The following AFDN variants were observed in gnomAD, a reference collection of about 807,000 sequenced individuals.
AFDN encodes afadin, adherens junction formation factor, also known as afadin.
Under a neutral mutation model 216.6 loss-of-function variants are expected in AFDN, and 68 were observed. The ratio of observed to expected loss-of-function variants is 0.31; its 90% confidence interval spans 0.26 to 0.38. The LOEUF is 0.38. AFDN is among the 10% of genes least tolerant of loss of function. The pLI is 1.00. For synonymous variants in AFDN, 868 were observed against 853.7 expected (o/e 1.02, Z -0.29); for missense variants, 2,136 against 2,342.0 (o/e 0.91, Z 1.82).
chr6:167,843,091 G>A (rs536075652), intron 1 of AFDN, among the ~76,000 whole-genome samples: 60 of 152,270 alleles, frequency 3.9e-4, no homozygotes, highest in African/African-American at 1.3e-3. Context: ...GTGCACTTGG[G>A]TAGCTGACAA....
chr6:167,913,670 T>C lies in AFDN; in HGVS notation c.2058+247T>C, dbSNP rs569322234. On this transcript the variant is annotated intron_variant, in intron 16 of 33. Coordinates refer to ENST00000683244, the MANE Select transcript of AFDN (RefSeq NM_001386888.1). Reference sequence around the variant, plus strand: ...AGTTCTGTTTCTTCTCTTTATTATTTATCCTTGGTTCCTATTCTTTGGATC... The same window carrying C: ...AGTTCTGTTTCTTCTCTTTATTATTCATCCTTGGTTCCTATTCTTTGGATC... 2.5e-5 allele frequency: 13 copies of C among 526,384 alleles called. No individual in the cohort carries two copies. The Admixed American group carries it at 3.6e-4, about 14-fold the overall frequency. 32.6% of individuals were successfully genotyped at this position (526,384 alleles called of 1,614,324 possible).
At chr6:167,965,014 A>G (rs993845080) in intron 31 of AFDN, 3 of 1,047,194 alleles carry the variant, frequency 2.9e-6, no homozygotes, top group African/African-American at 3.3e-5. Context: ...ATATATTTGA[A>G]TATCTTGTTG....
At chr6:167,931,826 G>C (rs1023342005) in intron 23 of AFDN, among the ~76,000 whole-genome samples, 2 of 152,138 alleles carry the variant, frequency 1.3e-5, no homozygotes, top group African/African-American at 4.8e-5. Context: ...TGAGCGTGTT[G>C]GTGTGGCAGC....
intron 13 of AFDN, 95 bp from the exon 14 acceptor site, chr6:167,911,006 G>T: frequency 1.0e-6 from 1 of 985,058 alleles, no homozygotes; most frequent in Non-Finnish European, 1.6e-6. Flanking sequence ...TTAGTATATA[G>T]ATTTAAAAAG....
At chr6:167,915,457 G>A (rs1364655458) in intron 19 of AFDN, 24 bp downstream of exon 19, 14 of 1,585,050 alleles carry the variant, frequency 8.8e-6, no homozygotes, top group Non-Finnish European at 1.2e-5. Context: ...CCACTCCCCA[G>A]CTCATGTGCT....
chr6:167,874,981 G>C (rs1163532192), intron 4 of AFDN, among the ~76,000 whole-genome samples: 1 of 152,114 alleles, frequency 6.6e-6, no homozygotes. Context: ...TTTCTTTCTT[G>C]TGGTTGGAAG....
chr6:167,910,623 G>A (rs891337539), intron 13 of AFDN, among the ~76,000 whole-genome samples: 1 of 152,198 alleles, frequency 6.6e-6, no homozygotes, highest in Admixed American at 6.5e-5. Context: ...AAGGAGACTT[G>A]CCGTGGTCAG....
chr6:167,956,961 C>T (rs1293080052), intron 30 of AFDN, among the ~76,000 whole-genome samples: 5 of 152,226 alleles, frequency 3.3e-5, no homozygotes, highest in African/African-American at 1.2e-4. Flanking sequence ...TCACAGCCCT[C>T]CTAAGTCTCT....
At chr6:167,952,579 A>T in intron 30 of AFDN, 2 of 895,156 alleles carry the variant, frequency 2.2e-6, no homozygotes, top group Non-Finnish European at 1.3e-6. Context: ...TTTGCAGGCC[A>T]CGGGGTCTCT....
intron 1 of AFDN, among the ~76,000 whole-genome samples, chr6:167,847,738 A>C (rs536618936): frequency 6.6e-6 from 1 of 152,264 alleles, no homozygotes; most frequent in African/African-American, 2.4e-5. Context: ...TGTTCCAGTA[A>C]CCTCTTACTT....
intron 1 of AFDN, among the ~76,000 whole-genome samples, chr6:167,829,295 A>G (rs1329248496): frequency 6.6e-6 from 1 of 152,124 alleles, no homozygotes; most frequent in East Asian, 1.9e-4. Context: ...ACTTTCCTGT[A>G]CTATTAAATT....
At chr6:167,934,219 G>C (rs1204003114) in intron 23 of AFDN, among the ~76,000 whole-genome samples, 2 of 152,156 alleles carry the variant, frequency 1.3e-5, no homozygotes, top group Admixed American at 6.5e-5. Flanking sequence ...GATGTGGTCT[G>C]TTGGGTTTGT....
At chr6:167,832,084 T>C (rs772113303) in intron 1 of AFDN, among the ~76,000 whole-genome samples, 6 of 152,264 alleles carry the variant, frequency 3.9e-5, no homozygotes, top group Non-Finnish European at 8.8e-5. Context: ...GTTAGTTTTC[T>C]GGCTGATAGT....
intron 20 of AFDN, 152 bp from the exon 21 acceptor site, chr6:167,918,583 G>A (rs1791396476): frequency 2.8e-6 from 2 of 721,274 alleles, no homozygotes. Context: ...TGGGACCTGT[G>A]CTCCCTCCGT....
intron 1 of AFDN, among the ~76,000 whole-genome samples, chr6:167,835,898 T>C (rs1460953721): frequency 2.6e-5 from 4 of 152,230 alleles, no homozygotes; most frequent in South Asian, 2.1e-4. Flanking sequence ...TTAAAAAATA[T>C]GTGTGTTCTA....
intron 30 of AFDN, 163 bp downstream of exon 30, chr6:167,952,350 G>T: frequency 6.6e-7 from 1 of 1,505,482 alleles, no homozygotes; most frequent in African/African-American, 1.4e-5. Flanking sequence ...ATGTCGTAGA[G>T]AAATGAGTCA....
chr6:167,968,081 CAGA>C (rs1437677050), intron 32 of AFDN, among the ~76,000 whole-genome samples: 1 of 152,116 alleles, frequency 6.6e-6, no homozygotes, highest in Non-Finnish European at 1.5e-5. Context: ...TCCGAAAATT[CAGA>C]AGAATTAGTT....
At chr6:167,895,360 G>A (rs1169072168) in intron 9 of AFDN, among the ~76,000 whole-genome samples, 1 of 152,146 alleles carries the variant, frequency 6.6e-6, no homozygotes, top group African/African-American at 2.4e-5. Flanking sequence ...CTAGAAGGGA[G>A]CTACCTATGT....
At chr6:167,922,737 T>G in intron 21 of AFDN, 119 bp from the exon 22 acceptor site, 2 of 639,800 alleles carry the variant, frequency 3.1e-6, no homozygotes, top group Non-Finnish European at 5.6e-6. Flanking sequence ...GGATTAAAGG[T>G]GTAGAGTAAG....
Sources: allele counts gnomAD v4.1 joint callset (sites outside exome capture counted in the v4.1 genomes callset), GRCh38; gene constraint gnomAD v4.1.1; transcripts MANE v1.5; gene names NCBI Gene and HGNC (gene_info 2026-07-23, HGNC 2026-07-21).